The following CSMD1 variants were observed in gnomAD, a reference collection of about 807,000 sequenced individuals.
The protein encoded by CSMD1 is CUB and Sushi multiple domains 1.
A neutral mutation model predicts 417.5 loss-of-function variants in CSMD1; 213 were observed. The ratio of observed to expected loss-of-function variants is 0.51; its 90% CI spans 0.46 to 0.57. The LOEUF is 0.57. CSMD1 is among the 20% of genes least tolerant of loss of function. The pLI, the probability that CSMD1 is intolerant of heterozygous loss-of-function variation, is 0.00. For synonymous variants in CSMD1, 2,862 were observed against 1,736.8 expected (o/e 1.65, Z -16.11); for missense variants, 6,923 against 4,529.7 (o/e 1.53, Z -15.17).
intron 3 of CSMD1, among the ~76,000 whole-genome samples, chr8:4,213,729 G>A (rs976101268): frequency 3.9e-5 from 6 of 152,190 alleles, no homozygotes; most frequent in Non-Finnish European, 8.8e-5. Flanking sequence ...TTCCTGAAAG[G>A]GTGGGAATGG....
At chr8:3,499,646 T>C (rs973006071) in intron 10 of CSMD1, among the ~76,000 whole-genome samples, 7 of 150,686 alleles carry the variant, frequency 4.6e-5, no homozygotes, top group Non-Finnish European at 7.4e-5. Context: ...TGGCTCCCCC[T>C]GTCTTGAGAG....
intron 3 of CSMD1, among the ~76,000 whole-genome samples, chr8:4,064,173 C>A (rs1395331482): frequency 6.6e-6 from 1 of 152,166 alleles, no homozygotes; most frequent in African/African-American, 2.4e-5. Context: ...ATGAAAAGTG[C>A]AAACTAAAGA....
intron 1 of CSMD1, among the ~76,000 whole-genome samples, chr8:4,801,673 T>C (rs941414497): frequency 2.6e-5 from 4 of 151,982 alleles, no homozygotes; most frequent in Non-Finnish European, 5.9e-5. Flanking sequence ...GCCTGTCCAA[T>C]AATGGAGCCC....
chr8:4,770,662 T>A (rs950930842), intron 1 of CSMD1, among the ~76,000 whole-genome samples: 1 of 152,166 alleles, frequency 6.6e-6, no homozygotes, highest in African/African-American at 2.4e-5. Flanking sequence ...AATCCAAGCA[T>A]ATATGGTCAG....
intron 12 of CSMD1, among the ~76,000 whole-genome samples, chr8:3,467,585 A>C (rs112652048): frequency 0.02 from 3,065 of 152,282 alleles, 117 homozygotes; most frequent in African/African-American, 0.069. Flanking sequence ...TAAGTCCCCA[A>C]CACACCCCGT....
chr8:4,907,452 G>A (rs920054463), intron 1 of CSMD1, among the ~76,000 whole-genome samples: 1 of 152,008 alleles, frequency 6.6e-6, no homozygotes, highest in Non-Finnish European at 1.5e-5. Context: ...CTAAACCTCA[G>A]CATCTGTACC....
intron 3 of CSMD1, among the ~76,000 whole-genome samples, chr8:4,359,431 T>G (rs1007182807): frequency 1.3e-5 from 2 of 152,198 alleles, no homozygotes; most frequent in Non-Finnish European, 2.9e-5. Flanking sequence ...TTTCTTCCTA[T>G]TTTCTCGAGC....
chr8:3,438,374 G>T (rs1814713420), intron 12 of CSMD1, among the ~76,000 whole-genome samples: 1 of 152,096 alleles, frequency 6.6e-6, no homozygotes, highest in Non-Finnish European at 1.5e-5. Flanking sequence ...AACATGTCCA[G>T]CAACACAGAC....
chr8:3,141,240 T>G (rs1818420907), intron 41 of CSMD1, among the ~76,000 whole-genome samples: 1 of 152,194 alleles, frequency 6.6e-6, no homozygotes, highest in Admixed American at 6.5e-5. Context: ...TCATCCCCTG[T>G]GCGTCTGTGA....
At chr8:3,957,141 T>TC (rs1812006034) in intron 5 of CSMD1, among the ~76,000 whole-genome samples, 1 of 116,554 alleles carries the variant, frequency 8.6e-6, no homozygotes, top group African/African-American at 2.8e-5. Context: ...TGCCTCTTTC[T>TC]CCCCCTACTT....
intron 3 of CSMD1, among the ~76,000 whole-genome samples, chr8:4,092,906 T>A (rs1216365746): frequency 6.6e-6 from 1 of 152,186 alleles, no homozygotes; most frequent in Non-Finnish European, 1.5e-5. Flanking sequence ...AAACACAAGT[T>A]TTTTTTAATA....
chr8:4,718,266 C>T (rs1318862691), intron 1 of CSMD1, among the ~76,000 whole-genome samples: 1 of 152,188 alleles, frequency 6.6e-6, no homozygotes, highest in Non-Finnish European at 1.5e-5. Context: ...TGTGAGCCAC[C>T]ATGCTAAACC....
At chr8:3,879,841 G>A (rs530027328) in intron 5 of CSMD1, among the ~76,000 whole-genome samples, 2 of 151,954 alleles carry the variant, frequency 1.3e-5, no homozygotes, top group South Asian at 4.2e-4. Flanking sequence ...GTGTGCGTGT[G>A]TGTGTGTGTG....
At position 4,031,954 on chromosome 8, in the gene CSMD1, G is replaced by A. The variant is rs1245225873; in HGVS notation, c.561C>T (p.Val187=). Residue 187 remains valine, a synonymous_variant, in exon 4 of 70, where the codon GTC becomes GTT. Transcript: ENST00000635120. ...LEGHAILTCI[V]SPGNGASWDF... is the part of the protein sequence containing the mutation. The stretch of plus-strand genomic sequence containing the variant: ...CCCACGATGCACCATTTCCTGGGCT[G>A]ACGATGCAGGTCAGGATGGCGTGGC... The A allele has an allele frequency of 1.2e-6, 2 of 1,613,980 alleles. No individual in the cohort carries two copies. The highest frequency in any genetic ancestry group is 8.5e-7 in the Non-Finnish European group (1 of 1,179,884).
intron 1 of CSMD1, among the ~76,000 whole-genome samples, chr8:4,878,974 G>A (rs1213784766): frequency 6.6e-6 from 1 of 151,972 alleles, no homozygotes; most frequent in Non-Finnish European, 1.5e-5. Flanking sequence ...GAAGCAGGGA[G>A]AGGGGTCATG....
chr8:4,292,972 G>C (rs1797453941), intron 3 of CSMD1, among the ~76,000 whole-genome samples: 1 of 152,202 alleles, frequency 6.6e-6, no homozygotes, highest in African/African-American at 2.4e-5. Flanking sequence ...AGAGGCAAAA[G>C]ACGTGAACAG....
intron 7 of CSMD1, among the ~76,000 whole-genome samples, chr8:3,623,667 C>T (rs190244088): frequency 1.3e-5 from 2 of 152,138 alleles, no homozygotes; most frequent in East Asian, 1.9e-4. Context: ...AAAACTGAGG[C>T]CAGAGTTAAG....
intron 1 of CSMD1, among the ~76,000 whole-genome samples, chr8:4,860,090 G>A (rs1403712898): frequency 1.3e-5 from 2 of 151,872 alleles, no homozygotes; most frequent in Admixed American, 1.3e-4. Flanking sequence ...ATAAAAAAAT[G>A]ATGAGTTCAC....
chr8:3,253,760 A>G (rs942745010), intron 26 of CSMD1, among the ~76,000 whole-genome samples: 1 of 152,082 alleles, frequency 6.6e-6, no homozygotes, highest in African/African-American at 2.4e-5. Flanking sequence ...TTTTGAGCCT[A>G]TGTGTGTCTC....
Sources: allele counts gnomAD v4.1 joint callset (sites outside exome capture counted in the v4.1 genomes callset), GRCh38; gene constraint gnomAD v4.1.1; transcripts MANE v1.5; gene names NCBI Gene and HGNC (gene_info 2026-07-23, HGNC 2026-07-21).